The following H1-7 variants were observed in gnomAD, a reference collection of about 807,000 sequenced individuals.
H1-7 encodes the protein testis-specific H1 histone.
H1-7 carries 1 observed loss-of-function variant against 0.3 expected under a neutral mutation model. That is an observed-to-expected ratio of 3.06 (90% CI 1.09 to 14.53). The LOEUF (loss-of-function observed/expected upper bound fraction) is 14.53. Among genes scored for constraint, H1-7 ranks in the 30% most tolerant of loss-of-function variants. The pLI, the probability that H1-7 is intolerant of heterozygous loss-of-function variation, is 0.12. For synonymous variants in H1-7, 177 were observed against 153.2 expected (o/e 1.16, Z -1.15); for missense variants, 393 against 353.1 (o/e 1.11, Z -0.91).
At position 48,330,082 on chromosome 12, in the gene H1-7, G is replaced by A. The variant is rs367833751; in HGVS notation, c.*23G>A. On this transcript the variant is annotated 3_prime_UTR_variant, in exon 1 of 1. Coordinates refer to ENST00000335017, the MANE Select transcript of H1-7 (RefSeq NM_181788.1). Reference sequence around the variant, plus strand: ...TAGCCAACGCGGGCTAAAACCGACCGGACATCTAGCGGGCAGGGGAAGACT... The same window carrying A: ...TAGCCAACGCGGGCTAAAACCGACCAGACATCTAGCGGGCAGGGGAAGACT... 4.4e-6 allele frequency: 7 copies of A among 1,585,974 alleles called. No homozygotes were observed. Among genetic ancestry groups the A allele is most frequent in the African/African-American group, 4.1e-5 (3 of 73,628 alleles).
rs1311384428 is a variant in H1-7 at position 48,329,211 on chromosome 12, T to G, written c.-81T>G. 1 of 1,430,758 alleles carries G rather than the reference T, an allele frequency of 7.0e-7. No homozygotes were observed. The highest frequency in any genetic ancestry group is 1.4e-5 in the African/African-American group (1 of 69,280). 88.6% of individuals were successfully genotyped at this position (1,430,758 alleles called of 1,614,324 possible). A position where few individuals can be genotyped will look rare whatever the true frequency, so the allele number is the denominator to read the frequency against. On this transcript the variant is annotated 5_prime_UTR_variant, in exon 1 of 1. Coordinates refer to ENST00000335017, the MANE Select transcript of H1-7 (RefSeq NM_181788.1). Reference sequence around the variant, plus strand: ...TAAGTGAAAAGGGCCCCTCCCCGGGTGAGATATGCCAGCCCCATAATTAGG... The same window carrying G: ...TAAGTGAAAAGGGCCCCTCCCCGGGGGAGATATGCCAGCCCCATAATTAGG...
Position 48,329,172 on chromosome 12 carries a change from T to G in H1-7, c.-120T>G, listed in dbSNP as rs1952537315. The G allele has an allele frequency of 8.3e-7, 1 of 1,197,814 alleles. No individual in the cohort carries two copies. Among genetic ancestry groups the G allele is most frequent in the Non-Finnish European group, 1.1e-6 (1 of 873,608 alleles). The allele number at this position is 1,197,814 out of a possible 1,614,324, so 74.2% of individuals were successfully genotyped here. A position where few individuals can be genotyped will look rare whatever the true frequency, so the allele number is the denominator to read the frequency against. On this transcript the variant is annotated 5_prime_UTR_variant, in exon 1 of 1. The change creates a new upstream start codon in the 5' untranslated region. Coordinates refer to ENST00000335017, the MANE Select transcript of H1-7 (RefSeq NM_181788.1). ...GTTTAGACCTAGAAGGAAGTGGCATTTGATTGGTTATTATAAGTGAAAAGG... is the reference window on the plus strand; with the variant it reads ...GTTTAGACCTAGAAGGAAGTGGCATGTGATTGGTTATTATAAGTGAAAAGG...
chr12:48,329,255 GGCCTGCCTTTGTGAC>G lies in H1-7; in HGVS notation c.-35_-21del. 1 of 1,484,398 alleles carries G rather than the reference GGCCTGCCTTTGTGAC, an allele frequency of 6.7e-7. No homozygotes were observed. The highest frequency in any genetic ancestry group is 8.9e-7 in the Non-Finnish European group (1 of 1,118,206). The allele number at this position is 1,484,398 out of a possible 1,614,324, so 92.0% of individuals were successfully genotyped here. On this transcript the variant is annotated 5_prime_UTR_variant, in exon 1 of 1. Coordinates refer to ENST00000335017, the MANE Select transcript of H1-7 (RefSeq NM_181788.1). ...AATTAGGACCTGAAAATCTCTGCCA[GGCCTGCCTTTGTGAC>G]GTGGCCCAGTCTACCTCAGCTATGG... is the stretch of plus-strand genomic sequence containing the variant.
Position 48,329,606 on chromosome 12 carries a change from G to A in H1-7, c.315G>A (p.Lys105=). The A allele has an allele frequency of 6.2e-7, 1 of 1,612,676 alleles. No homozygotes were observed. Residue 105 remains lysine (K), a synonymous_variant, in exon 1 of 1, where the codon AAG becomes AAA. Coordinates refer to ENST00000335017, the MANE Select transcript of H1-7 (RefSeq NM_181788.1). ...GRHEAPRGQA[K]ATLLRVSGSD... ...ACGAAGCGCCCAGGGGGCAGGCCAA[G>A]GCCACGCTCCTCCGGGTCAGCGGCA...
rs749931728 is a variant in H1-7, at chr12:48,329,987, C to T, written c.696C>T (p.Asp232=). 1 of 1,613,796 alleles carries T rather than the reference C, an allele frequency of 6.2e-7. No individual in the cohort carries two copies. The highest frequency in any genetic ancestry group is 8.5e-7 in the Non-Finnish European group (1 of 1,179,896). The stretch of plus-strand genomic sequence containing the variant: ...ACACCACGCCGAGGTCAGGGAAGGA[C>T]AAGAGGCGAAGCTCCAAGCCCAGGG... The part of the protein sequence containing the change: ...KEDTTPRSGK[D]KRRSSKPREE... The change falls in exon 1 of 1, where the codon GAC becomes GAT. Residue 232 remains aspartate, a synonymous_variant. Transcript: ENST00000335017.
Position 48,329,264 on chromosome 12 carries a change from T to A in H1-7, c.-28T>A. On this transcript the variant is annotated 5_prime_UTR_variant, in exon 1 of 1. It adds an upstream start codon to the 5' untranslated region. Transcript: ENST00000335017. ...CTGAAAATCTCTGCCAGGCCTGCCT[T>A]TGTGACGTGGCCCAGTCTACCTCAG... The A allele has an allele frequency of 6.7e-7, 1 of 1,497,142 alleles. No homozygotes were observed. The highest frequency in any genetic ancestry group is 2.4e-5 in the East Asian group (1 of 42,430). 92.7% of individuals were successfully genotyped at this position (1,497,142 alleles called of 1,614,324 possible). A position where few individuals can be genotyped will look rare whatever the true frequency, so the allele number is the denominator to read the frequency against.
chr12:48,330,113 A>G lies in H1-7; in HGVS notation c.*54A>G. Reference sequence around the variant, plus strand: ...CTAGCGGGCAGGGGAAGACTCCACTAAAGACTTCCACAAAGACCTCCCCTA... The same window carrying G: ...CTAGCGGGCAGGGGAAGACTCCACTGAAGACTTCCACAAAGACCTCCCCTA... On this transcript the variant is annotated 3_prime_UTR_variant, in exon 1 of 1. Transcript: ENST00000335017. The G allele has an allele frequency of 2.0e-6, 3 of 1,508,224 alleles. No homozygotes were observed. The highest frequency in any genetic ancestry group is 1.4e-5 in the African/African-American group (1 of 71,426). The allele number at this position is 1,508,224 out of a possible 1,614,324, so 93.4% of individuals were successfully genotyped here. A position where few individuals can be genotyped will look rare whatever the true frequency, so the allele number is the denominator to read the frequency against.
In H1-7 at chr12:48,330,092, C is replaced by T. The variant is rs781568262; in HGVS notation, c.*33C>T. 2.5e-6 allele frequency: 4 copies of T among 1,569,208 alleles called. No individual in the cohort carries two copies. The highest frequency in any genetic ancestry group is 3.4e-6 in the Non-Finnish European group (4 of 1,160,374). ...GGGCTAAAACCGACCGGACATCTAG[C>T]GGGCAGGGGAAGACTCCACTAAAGA... is the stretch of plus-strand genomic sequence containing the variant. On this transcript the variant is annotated 3_prime_UTR_variant, in exon 1 of 1. Transcript: ENST00000335017.
rs1020523184 is a variant in H1-7, at chr12:48,329,776, G to C, written c.485G>C (p.Arg162Pro). The C allele has an allele frequency of 1.9e-6, 3 of 1,599,244 alleles. No individual in the cohort carries two copies. In the African/African-American group the frequency reaches 4.0e-5, roughly 21 times the overall value. ...TCCCGGAGGCGCCGCCAGCCCCTTCGCAAGGCGGCCAGGAAGGCCAGAGAA... is the reference window on the plus strand; with the variant it reads ...TCCCGGAGGCGCCGCCAGCCCCTTCCCAAGGCGGCCAGGAAGGCCAGAGAA... ...RSSRRRRQPL[R>P]KAARKAREVW... Residue 162 changes from arginine (R) to proline (P), a missense_variant, in exon 1 of 1, where the codon CGC becomes CCC. By Grantham distance (103) the Arg-to-Pro change is moderately radical (BLOSUM62 -2). Transcript: ENST00000335017.
rs1253401505 is a variant in H1-7 at position 48,329,555 on chromosome 12, C to T, written c.264C>T (p.Tyr88=). 2.5e-6 allele frequency: 4 copies of T among 1,612,828 alleles called. No individual in the cohort carries two copies. In the East Asian group the frequency reaches 8.9e-5, roughly 36 times the overall value. The change falls in exon 1 of 1, where the codon TAC becomes TAT. Residue 88 remains tyrosine (Y), a synonymous_variant. Transcript: ENST00000335017. The part of the protein sequence containing the change: ...ALKKELRNAG[Y]EVRRKSGRHE... ...AGAAGGAGCTCCGAAACGCCGGCTA[C>T]GAAGTGCGCAGGAAGAGCGGCCGCC...
Position 48,329,865 on chromosome 12 carries a change from G to C in H1-7, c.574G>C (p.Ala192Pro). 1 of 1,588,802 alleles carries C rather than the reference G, an allele frequency of 6.3e-7. No homozygotes were observed. Among genetic ancestry groups the C allele is most frequent in the Non-Finnish European group, 8.6e-7 (1 of 1,168,208 alleles). ...TGCCAGGGCGAGGAGGACCAGGAGGGCAAGGCCGAGAGCCAAGGAGCCGCC... is the reference window on the plus strand; with the variant it reads ...TGCCAGGGCGAGGAGGACCAGGAGGCCAAGGCCGAGAGCCAAGGAGCCGCC... Reference protein sequence around the residue: ...ANARARRTRRARPRAKEPPCA... With the variant: ...ANARARRTRRPRPRAKEPPCA... The change falls in exon 1 of 1, where the codon GCA becomes CCA. Residue 192 changes from alanine (A) to proline (P), a missense_variant. Ala to Pro is a conservative substitution (Grantham distance 27, BLOSUM62 -1). Coordinates refer to ENST00000335017, the MANE Select transcript of H1-7 (RefSeq NM_181788.1).
rs897772424 is a variant in H1-7, at chr12:48,329,718, G to A, written c.427G>A (p.Ala143Thr). The A allele has an allele frequency of 6.2e-7, 1 of 1,607,970 alleles. No homozygotes were observed. The highest frequency in any genetic ancestry group is 2.2e-5 in the East Asian group (1 of 44,756). The change falls in exon 1 of 1, where the codon GCT becomes ACT. Residue 143 changes from alanine to threonine, a missense_variant. Ala to Thr is a moderately conservative substitution (Grantham distance 58). Transcript: ENST00000335017. ...GRARQEEGTR[A>T]PWRTPAAPRS... ...CGCGAGGCAAGAGGAGGGCACGCGCGCTCCCTGGAGGACCCCAGCCGCGCC... is the reference window on the plus strand; with the variant it reads ...CGCGAGGCAAGAGGAGGGCACGCGCACTCCCTGGAGGACCCCAGCCGCGCC...
chr12:48,330,156 G>T lies in H1-7; in HGVS notation c.*97G>T, dbSNP rs532697938. 2 of 1,357,756 alleles carry T rather than the reference G, an allele frequency of 1.5e-6. No homozygotes were observed. Among genetic ancestry groups the T allele is most frequent in the African/African-American group, 2.9e-5 (2 of 67,894 alleles). 84.1% of individuals were successfully genotyped at this position (1,357,756 alleles called of 1,614,324 possible). On this transcript the variant is annotated 3_prime_UTR_variant, in exon 1 of 1. Transcript: ENST00000335017. ...CTCCCCTAAATCTGAAGGTCTTCCTGATCCAGTTGGGAATGCATCTTGTGG... is the reference window on the plus strand; with the variant it reads ...CTCCCCTAAATCTGAAGGTCTTCCTTATCCAGTTGGGAATGCATCTTGTGG...
In H1-7 at chr12:48,329,400, G is replaced by A. The variant is rs199814997; in HGVS notation, c.109G>A (p.Ala37Thr). The A allele has an allele frequency of 1.4e-5, 22 of 1,614,080 alleles. No individual in the cohort carries two copies. The East Asian group carries it at 4.2e-4, about 31-fold the overall frequency. ...CAGTGGCGAATCCCGAGGACACTCA[G>A]CCACTCAGCTGCCAGCGGAAAAAAC... ...GPSGESRGHS[A>T]TQLPAEKTVG... Residue 37 changes from alanine (A) to threonine (T), a missense_variant, in exon 1 of 1, where the codon GCC (alanine) becomes ACC (threonine). Coordinates refer to ENST00000335017, the MANE Select transcript of H1-7 (RefSeq NM_181788.1).
In H1-7 at chr12:48,329,063, G is replaced by C. The variant is rs940925354; in HGVS notation, c.-229G>C. The C allele has an allele frequency of 6.1e-6, 3 of 493,024 alleles. No individual in the cohort carries two copies. The highest frequency in any genetic ancestry group is 1.1e-5 in the Non-Finnish European group (3 of 284,526). The allele number at this position is 493,024 out of a possible 1,614,324, so 30.5% of individuals were successfully genotyped here. The stretch of plus-strand genomic sequence containing the variant: ...AAGAAAGCGGTGGAGATCGAGATCA[G>C]TAAGTTTGATTTGGGAACAAAACCC... On this transcript the variant is annotated 5_prime_UTR_variant, in exon 1 of 1. Coordinates refer to ENST00000335017, the MANE Select transcript of H1-7 (RefSeq NM_181788.1).
At position 48,329,187 on chromosome 12, in the gene H1-7, A is replaced by T; in HGVS notation, c.-105A>T. Reference sequence around the variant, plus strand: ...GAAGTGGCATTTGATTGGTTATTATAAGTGAAAAGGGCCCCTCCCCGGGTG... The same window carrying T: ...GAAGTGGCATTTGATTGGTTATTATTAGTGAAAAGGGCCCCTCCCCGGGTG... On this transcript the variant is annotated 5_prime_UTR_variant, in exon 1 of 1. Transcript: ENST00000335017. 7.6e-7 allele frequency: 1 copy of T among 1,321,572 alleles called. No individual in the cohort carries two copies. The highest frequency in any genetic ancestry group is 1.6e-5 in the South Asian group (1 of 64,018). 81.9% of individuals were successfully genotyped at this position (1,321,572 alleles called of 1,614,324 possible). A position where few individuals can be genotyped will look rare whatever the true frequency, so the allele number is the denominator to read the frequency against.
the H1-7 span, chr12:48,329,799 G>T: frequency 6.3e-7 from 1 of 1,598,936 alleles, no homozygotes; most frequent in Non-Finnish European, 8.5e-7. Context: ...GAAGGCCAGA[G>T]AAGTGTGGAG....
In H1-7 at chr12:48,329,371, G is replaced by T; in HGVS notation, c.80G>T (p.Gly27Val). The stretch of plus-strand genomic sequence containing the variant: ...AGTGGGGCCATGGCTGAGGCGCCTG[G>T]GCCCAGTGGCGAATCCCGAGGACAC... ...GGSGAMAEAP[G>V]PSGESRGHSA... Residue 27 changes from glycine (G) to valine (V), a missense_variant, in exon 1 of 1, where the codon GGG (glycine) becomes GTG (valine). By Grantham distance (109) the Gly-to-Val change is moderately radical. Transcript: ENST00000335017. 4 of 1,612,574 alleles carry T rather than the reference G, an allele frequency of 2.5e-6. No individual in the cohort carries two copies. Among genetic ancestry groups the T allele is most frequent in the Non-Finnish European group, 3.4e-6 (4 of 1,179,310 alleles).
In H1-7 at chr12:48,329,350, G is replaced by A; in HGVS notation, c.59G>A (p.Gly20Glu). The A allele has an allele frequency of 3.1e-6, 5 of 1,608,132 alleles. No homozygotes were observed. The highest frequency in any genetic ancestry group is 4.2e-6 in the Non-Finnish European group (5 of 1,177,074). The change falls in exon 1 of 1, where the codon GGG becomes GAG. Residue 20 changes from glycine (G) to glutamate (E), a missense_variant. By Grantham distance (98) the Gly-to-Glu change is moderately conservative. Coordinates refer to ENST00000335017, the MANE Select transcript of H1-7 (RefSeq NM_181788.1). Reference protein sequence around the residue: ...QSRWPRRGGSGAMAEAPGPSG... With the variant: ...QSRWPRRGGSEAMAEAPGPSG... ...CGGTGGCCCCGCAGAGGCGGGAGTGGGGCCATGGCTGAGGCGCCTGGGCCC... is the reference window on the plus strand; with the variant it reads ...CGGTGGCCCCGCAGAGGCGGGAGTGAGGCCATGGCTGAGGCGCCTGGGCCC...
Sources: allele counts gnomAD v4.1 joint callset, GRCh38; gene constraint gnomAD v4.1.1; transcripts MANE v1.5; gene names NCBI Gene and HGNC (gene_info 2026-07-23, HGNC 2026-07-21).